Variants in MYO6 observed in about 807,000 individuals in gnomAD.
MYO6 encodes unconventional myosin-VI.
Under a neutral mutation model 178.7 loss-of-function variants are expected in MYO6, and 74 were observed. The observed-to-expected ratio is 0.41, with a 90% confidence interval of 0.34 to 0.50. The LOEUF (loss-of-function observed/expected upper bound fraction) is 0.50. Among genes scored for constraint, MYO6 ranks in the 20% least tolerant of loss-of-function variants. The pLI, the probability that MYO6 is intolerant of heterozygous loss-of-function variation, is 0.09. For missense variants in MYO6, 1,330 were observed against 1,547.4 expected (o/e 0.86, Z 2.36); for synonymous variants, 477 against 504.6 (o/e 0.95, Z 0.73).
Position 75,830,460 on chromosome 6 carries a change from C to T in MYO6, c.306C>T (p.Asp102=), listed in dbSNP as rs1772965852. The T allele has an allele frequency of 2.5e-6, 4 of 1,611,874 alleles. No individual in the cohort carries two copies. Among genetic ancestry groups the T allele is most frequent in the Non-Finnish European group, 3.4e-6 (4 of 1,178,282 alleles). Reference sequence around the variant, plus strand: ...TGATTGCAGTGAATCCATACTTTGACATACCTAAAATATATTCTTCAGAAG... The same window carrying T: ...TGATTGCAGTGAATCCATACTTTGATATACCTAAAATATATTCTTCAGAAG... ...NILIAVNPYF[D]IPKIYSSEAI... The change falls in exon 5 of 35, where the codon GAC becomes GAT. Residue 102 remains aspartate (D), a synonymous_variant. Coordinates refer to ENST00000369977, the MANE Select transcript of MYO6 (RefSeq NM_004999.4).
At chr6:75,889,674 A>G (rs1423788405) in intron 25 of MYO6, among the ~76,000 whole-genome samples, 1 of 152,198 alleles carries the variant, frequency 6.6e-6, no homozygotes, top group African/African-American at 2.4e-5. Flanking sequence ...TGGCCTCCCA[A>G]AGGGCTGGGA....
intron 30 of MYO6, among the ~76,000 whole-genome samples, chr6:75,901,359 C>A (rs531779152): frequency 4.0e-5 from 6 of 151,774 alleles, no homozygotes; most frequent in South Asian, 2.1e-4. Flanking sequence ...ATTCTTCCTA[C>A]CCATGGATCT....
In MYO6 at chr6:75,862,706, G is replaced by T. The variant is rs1387806088; in HGVS notation, c.1657G>T (p.Asp553Tyr). The change falls in exon 16 of 35, where the codon GAT becomes TAT. Residue 553 changes from aspartate to tyrosine, a missense_variant. Physicochemically the swap from Asp to Tyr is radical, Grantham distance 160. Around this residue, in one of 3 missense-constraint regions of MYO6, gnomAD observed 613 missense variants for 816.8 expected, o/e 0.75. Transcript: ENST00000369977. ...FTSAVHQKHKDHFRLTIPRKS... is the reference protein window; with the variant it reads ...FTSAVHQKHKYHFRLTIPRKS... The stretch of plus-strand genomic sequence containing the variant: ...ATCTGCAGTTCACCAAAAGCACAAG[G>T]ATCATTTTCGACTCACTGTGAGTTT... The T allele has an allele frequency of 6.2e-7, 1 of 1,613,936 alleles. No individual in the cohort carries two copies. The highest frequency in any genetic ancestry group is 8.5e-7 in the Non-Finnish European group (1 of 1,180,000).
intron 20 of MYO6, 76 bp from the exon 21 acceptor site, chr6:75,879,744 A>C: frequency 6.2e-7 from 1 of 1,608,044 alleles, no homozygotes. Flanking sequence ...AGTATCTTAC[A>C]AAAATGATCA....
intron 1 of MYO6, among the ~76,000 whole-genome samples, chr6:75,769,190 G>C (rs796076699): frequency 1.2e-4 from 19 of 152,264 alleles, no homozygotes; most frequent in African/African-American, 3.9e-4. Flanking sequence ...GATTTGGAGG[G>C]AGCAAATGTC....
At position 75,890,242 on chromosome 6, in the gene MYO6, A is replaced by G; in HGVS notation, c.2844A>G (p.Arg948=). ...KRREEDEKRR[R]KEEEERRMKL... is the part of the protein sequence containing the mutation. ...GTGAAGAAGACGAAAAACGTCGAAG[A>G]AAGGAAGAGGAGGAAAGGCGGATGT... is the stretch of plus-strand genomic sequence containing the variant. The change falls in exon 26 of 35, where the codon AGA becomes AGG. Residue 948 remains arginine (R), a synonymous_variant. Transcript: ENST00000369977. The G allele has an allele frequency of 6.2e-7, 1 of 1,613,538 alleles. No homozygotes were observed. Among genetic ancestry groups the G allele is most frequent in the Non-Finnish European group, 8.5e-7 (1 of 1,179,478 alleles).
intron 11 of MYO6, among the ~76,000 whole-genome samples, chr6:75,849,326 C>T (rs1043268399): frequency 2.0e-5 from 3 of 152,266 alleles, no homozygotes; most frequent in African/African-American, 7.2e-5. Flanking sequence ...AGATTGTCAA[C>T]CCCTATATTA....
intron 1 of MYO6, among the ~76,000 whole-genome samples, chr6:75,802,026 A>G (rs1769519594): frequency 6.6e-6 from 1 of 152,234 alleles, no homozygotes; most frequent in Non-Finnish European, 1.5e-5. Context: ...AAAGAATAAT[A>G]TATTTTATAA....
chr6:75,821,483 T>C (rs562320609), intron 2 of MYO6, among the ~76,000 whole-genome samples: 2 of 152,320 alleles, frequency 1.3e-5, no homozygotes, highest in East Asian at 3.9e-4. Context: ...TCTCCACATT[T>C]ATAACATTAA....
chr6:75,911,562 T>C (rs1780756542), intron 32 of MYO6, 110 bp from the exon 33 acceptor site: 2 of 934,274 alleles, frequency 2.1e-6, no homozygotes, highest in Admixed American at 1.9e-5. Flanking sequence ...GGATAGGATA[T>C]TTACTTTTCA....
chr6:75,841,524 A>G (rs1261667892), intron 9 of MYO6, 146 bp downstream of exon 9: 3 of 225,296 alleles, frequency 1.3e-5, no homozygotes, highest in Non-Finnish European at 2.4e-5. Context: ...CCCTGTCTCT[A>G]AAAAAAAAAA....
At chr6:75,913,990 T>C (rs1780962045) in intron 33 of MYO6, 73 bp from the exon 34 acceptor site, 2 of 1,324,622 alleles carry the variant, frequency 1.5e-6, no homozygotes, top group African/African-American at 2.9e-5. Context: ...ATTATTGGGG[T>C]ATATTTTAGG....
rs760894220 is a variant in MYO6, at chr6:75,840,693, G to A, written c.651+11G>A. On this transcript the variant is annotated intron_variant, in intron 8 of 34. Transcript: ENST00000369977. ...CATTTTAATGAAAAGGTAAGTGAGA[G>A]TAAGCTTTGGAATGATATTTTTGGG... is the stretch of plus-strand genomic sequence containing the variant. 6.3e-7 allele frequency: 1 copy of A among 1,581,596 alleles called. No individual in the cohort carries two copies. The highest frequency in any genetic ancestry group is 1.7e-5 in the Admixed American group (1 of 59,882).
chr6:75,833,021 G>T (rs1773273395), intron 6 of MYO6, 74 bp downstream of exon 6: 2 of 1,027,116 alleles, frequency 1.9e-6, no homozygotes, highest in Non-Finnish European at 3.1e-6. Context: ...GGGTCTTACT[G>T]TGTCACCCAG....
chr6:75,802,717 G>T (rs922838343), intron 1 of MYO6, among the ~76,000 whole-genome samples: 1 of 151,858 alleles, frequency 6.6e-6, no homozygotes, highest in Non-Finnish European at 1.5e-5. Flanking sequence ...GAACTCTTGG[G>T]CTCAAGCAAT....
Position 75,892,687 on chromosome 6 carries a change from G to A in MYO6, c.3104G>A (p.Arg1035Gln), listed in dbSNP as rs764463381. The change falls in exon 28 of 35, where the codon CGG (arginine) becomes CAG (glutamine). Residue 1035 changes from arginine to glutamine, a missense_variant. Physicochemically the swap from Arg to Gln is conservative, Grantham distance 43. Around this residue, in one of 3 missense-constraint regions of MYO6, gnomAD observed 601 missense variants for 626.1 expected, o/e 0.96. Coordinates refer to ENST00000369977, the MANE Select transcript of MYO6 (RefSeq NM_004999.4). ...GAGGCCCAGGCCGACCTGGCGCTGC[G>A]GAGGTACTGGGGCCCCTGGGTGGGG... ...SDEAQADLAL[R>Q]RNDGTRPKMT... 1.4e-5 allele frequency: 23 copies of A among 1,612,074 alleles called. No individual in the cohort carries two copies. In the East Asian group the frequency reaches 2.9e-4, roughly 20 times the overall value.
intron 3 of MYO6, among the ~76,000 whole-genome samples, chr6:75,825,010 T>C (rs1330456318): frequency 6.6e-6 from 1 of 152,102 alleles, no homozygotes; most frequent in Non-Finnish European, 1.5e-5. Flanking sequence ...CTGCCTGCCT[T>C]GGGCTCCCAA....
chr6:75,918,152 T>C lies in MYO6; in HGVS notation c.*3140T>C, dbSNP rs576628731. 1 of 152,376 alleles carries C rather than the reference T, an allele frequency of 6.6e-6. No homozygotes were observed. The highest frequency in any genetic ancestry group is 1.9e-4 in the East Asian group (1 of 5,192). 9.4% of individuals were successfully genotyped at this position (152,376 alleles called of 1,614,324 possible). On this transcript the variant is annotated 3_prime_UTR_variant, in exon 35 of 35. Coordinates refer to ENST00000369977, the MANE Select transcript of MYO6 (RefSeq NM_004999.4). ...TTACAAAGGGTTGCCTCTCTGTCATTCCACAACTTCAGAAGGTGTGACAGG... is the reference window on the plus strand; with the variant it reads ...TTACAAAGGGTTGCCTCTCTGTCATCCCACAACTTCAGAAGGTGTGACAGG...
chr6:75,832,732 G>C, intron 5 of MYO6, 110 bp from the exon 6 acceptor site: 1 of 684,862 alleles, frequency 1.5e-6, no homozygotes. Context: ...CATTAACATT[G>C]AATAGACATT....
Sources: gnomAD v4.1 joint callset for allele counts (sites outside exome capture counted in the v4.1 genomes callset) on GRCh38, gnomAD v4.1.1 for gene constraint, gnomAD v4.1.1 regional missense constraint, MANE v1.5 for transcripts, NCBI Gene and HGNC (gene_info 2026-07-23, HGNC 2026-07-21) for gene names.